The following COL4A3 variants were observed in gnomAD, a reference collection of about 807,000 sequenced individuals.
COL4A3 encodes collagen alpha-3(IV) chain.
In COL4A3, 135 loss-of-function variants were observed where a neutral mutation model predicts 217.4. The observed-to-expected ratio is 0.62, with a 90% CI of 0.54 to 0.72. The LOEUF (loss-of-function observed/expected upper bound fraction) is 0.72. Among genes scored for constraint, COL4A3 ranks in the 30% least tolerant of loss-of-function variants. The pLI, the probability that COL4A3 is intolerant of heterozygous loss-of-function variation, is 0.00. For synonymous variants in COL4A3, 690 were observed against 736.3 expected, an observed-to-expected ratio of 0.94 and a Z score of 1.02; for missense variants, 1,868 against 2,119.9, an observed-to-expected ratio of 0.88 and a Z score of 2.33.
intron 1 of COL4A3, among the ~76,000 whole-genome samples, chr2:227,178,742 G>T (rs1202059735): frequency 1.3e-5 from 2 of 151,786 alleles, no homozygotes; most frequent in African/African-American, 4.8e-5. Context: ...TAGAGACAGG[G>T]TTTCACCATG....
intron 1 of COL4A3, among the ~76,000 whole-genome samples, chr2:227,229,154 G>A (rs536964771): frequency 2.0e-5 from 3 of 152,276 alleles, no homozygotes; most frequent in Non-Finnish European, 4.4e-5. Context: ...TGAGACATGG[G>A]TGGCACACGG....
At chr2:227,261,532 A>G (rs2070568905) in intron 20 of COL4A3, among the ~76,000 whole-genome samples, 2 of 152,236 alleles carry the variant, frequency 1.3e-5, no homozygotes, top group African/African-American at 4.8e-5. Flanking sequence ...CTCAAAATAA[A>G]ATAAAACAGT....
chr2:227,215,765 C>T (rs905723755), intron 1 of COL4A3, among the ~76,000 whole-genome samples: 4 of 152,072 alleles, frequency 2.6e-5, no homozygotes, highest in South Asian at 2.1e-4. Flanking sequence ...GGCCTATGTG[C>T]TTGTTTTATG....
intron 9 of COL4A3, among the ~76,000 whole-genome samples, chr2:227,249,343 C>G (rs1398101818): frequency 4.9e-5 from 7 of 143,676 alleles, no homozygotes; most frequent in Non-Finnish European, 7.5e-5. Flanking sequence ...TCAAGCAATT[C>G]TCCTGCCTCA....
chr2:227,251,393 G>A (rs932744601), intron 11 of COL4A3, 22 bp downstream of exon 11: 3 of 1,610,128 alleles, frequency 1.9e-6, no homozygotes, highest in Middle Eastern at 2.1e-4. Flanking sequence ...TTCATATGAT[G>A]TAACAGCTAG....
At chr2:227,303,771 A>G in intron 44 of COL4A3, 88 bp from the exon 45 acceptor site, 1 of 1,256,174 alleles carries the variant, frequency 8.0e-7, no homozygotes, top group East Asian at 2.3e-5. Flanking sequence ...CACTTCTAGT[A>G]TTTGTCCTTA....
intron 26 of COL4A3, among the ~76,000 whole-genome samples, chr2:227,275,536 ATAT>A (rs778563054): frequency 5.9e-5 from 9 of 152,208 alleles, no homozygotes; most frequent in Non-Finnish European, 1.3e-4. Flanking sequence ...GTCATAAAAT[ATAT>A]TATTACCAAA....
intron 1 of COL4A3, among the ~76,000 whole-genome samples, chr2:227,205,762 GA>G (rs2067078613): frequency 1.3e-5 from 2 of 148,198 alleles, no homozygotes; most frequent in Non-Finnish European, 3.0e-5. Flanking sequence ...AACATTTCCT[GA>G]GCTTTAAATA....
At chr2:227,188,654 A>G (rs184244310) in intron 1 of COL4A3, among the ~76,000 whole-genome samples, 2 of 152,346 alleles carry the variant, frequency 1.3e-5, no homozygotes, top group African/African-American at 2.4e-5. Flanking sequence ...TACCAAATCA[A>G]TAACTTTCTG....
intron 1 of COL4A3, among the ~76,000 whole-genome samples, chr2:227,198,009 C>T (rs1159382939): frequency 6.6e-6 from 1 of 152,202 alleles, no homozygotes; most frequent in African/African-American, 2.4e-5. Context: ...TTGTGGAAAT[C>T]GTGTTTATGC....
intron 40 of COL4A3, 59 bp from the exon 41 acceptor site, chr2:227,295,210 T>C: frequency 1.9e-6 from 3 of 1,576,732 alleles, no homozygotes; most frequent in Non-Finnish European, 2.6e-6. Context: ...ACTTTTCTCA[T>C]AGACATATAA....
chr2:227,181,021 A>G (rs2065852277), intron 1 of COL4A3, among the ~76,000 whole-genome samples: 1 of 152,190 alleles, frequency 6.6e-6, no homozygotes, highest in South Asian at 2.1e-4. Context: ...TGAGCAGAGT[A>G]TTTACCTTAC....
At chr2:227,176,541 G>A (rs1043449615) in intron 1 of COL4A3, among the ~76,000 whole-genome samples, 1 of 152,154 alleles carries the variant, frequency 6.6e-6, no homozygotes, top group East Asian at 1.9e-4. Flanking sequence ...GAGTTTTCCA[G>A]TTTAATCTTT....
At position 227,246,023 on chromosome 2, in the gene COL4A3, A is replaced by G; in HGVS notation, c.387+7A>G. The G allele has an allele frequency of 6.2e-7, 1 of 1,601,806 alleles. No homozygotes were observed. The highest frequency in any genetic ancestry group is 8.6e-7 in the Non-Finnish European group (1 of 1,168,844). On this transcript the variant is annotated splice_region_variant and intron_variant, in intron 6 of 51. Transcript: ENST00000396578. ...AGGATGCAGTGGTTCTAAGGTAAGT[A>G]CTTTTCACACAGAAGATGATTAATA...
intron 1 of COL4A3, among the ~76,000 whole-genome samples, chr2:227,179,878 G>T (rs902910589): frequency 1.3e-5 from 2 of 152,182 alleles, no homozygotes; most frequent in African/African-American, 4.8e-5. Flanking sequence ...GAGTGGAGTT[G>T]AGAGGAGGAA....
chr2:227,278,667 T>C (rs2071740919), intron 28 of COL4A3, among the ~76,000 whole-genome samples: 1 of 152,222 alleles, frequency 6.6e-6, no homozygotes, highest in Admixed American at 6.5e-5. Context: ...TACTTCATTC[T>C]TCTTGGACCC....
rs73996414 is a variant in COL4A3 at position 227,304,032 on chromosome 2, C to A, written c.4041C>A (p.Asp1347Glu). ...TTATGTCAACAGGTGTACGTGGAGA[C>A]CCTGGCACACTTAAGATTATCTCCC... is the stretch of plus-strand genomic sequence containing the variant. ...GPKGPPGVRG[D>E]PGTLKIISLP... Residue 1347 changes from aspartate (D) to glutamate (E), a missense_variant, in exon 46 of 52, where the codon GAC (aspartate) becomes GAA (glutamate). Coordinates refer to ENST00000396578, the MANE Select transcript of COL4A3 (RefSeq NM_000091.5). 4.6e-3 allele frequency: 7,415 copies of A among 1,614,098 alleles called. 256 individuals are homozygous for A. In the African/African-American group the frequency reaches 0.081, roughly 18 times the overall value.
rs1291280333 is a variant in COL4A3 at position 227,293,276 on chromosome 2, C to T, written c.3296C>T (p.Pro1099Leu). ...GPPGHLGPAGPEGAPGSPGSP... is the reference protein window; with the variant it reads ...GPPGHLGPAGLEGAPGSPGSP... ...CCTGGACATTTGGGGCCTGCTGGACCTGAGGGAGCCCCTGGAAGTCCTGGA... is the reference window on the plus strand; with the variant it reads ...CCTGGACATTTGGGGCCTGCTGGACTTGAGGGAGCCCCTGGAAGTCCTGGA... The change falls in exon 38 of 52, where the codon CCT (proline) becomes CTT (leucine). Residue 1099 changes from proline to leucine, a missense_variant. By Grantham distance (98) the Pro-to-Leu change is moderately conservative (BLOSUM62 -3). Transcript: ENST00000396578. 2.5e-6 allele frequency: 4 copies of T among 1,613,782 alleles called. No homozygotes were observed. The East Asian group carries it at 8.9e-5, about 36-fold the overall frequency.
chr2:227,292,702 CTTTA>C (rs2072816065), intron 37 of COL4A3, among the ~76,000 whole-genome samples: 1 of 152,158 alleles, frequency 6.6e-6, no homozygotes, highest in South Asian at 2.1e-4. Flanking sequence ...TAGGATACAT[CTTTA>C]TTTAGTCTAT....
Sources: gnomAD v4.1 joint callset for allele counts (sites outside exome capture counted in the v4.1 genomes callset) on GRCh38, gnomAD v4.1.1 for gene constraint, MANE v1.5 for transcripts, NCBI Gene and HGNC (gene_info 2026-07-23, HGNC 2026-07-21) for gene names.